GAB3: variants seen among roughly 807,000 people sequenced by gnomAD.
GAB3 encodes the protein GRB2-associated-binding protein 3.
A neutral mutation model predicts 40.4 loss-of-function variants in GAB3; 12 were observed. The observed-to-expected ratio is 0.30, with a 90% CI of 0.19 to 0.48. The LOEUF (loss-of-function observed/expected upper bound fraction) is 0.48. Among genes scored for constraint, GAB3 ranks in the 20% least tolerant of loss-of-function variants. The probability of loss-of-function intolerance (pLI) is 0.99; values close to 1 mark genes in which losing one functional copy is unlikely to be tolerated. For synonymous variants in GAB3, 154 were observed against 176.7 expected (o/e 0.87, Z 1.02); for missense variants, 381 against 461.9 (o/e 0.82, Z 1.61).
At chrX:154,682,079 G>C (rs1265662224) in intron 8 of GAB3, among the ~76,000 whole-genome samples, 2 of 111,707 alleles carry the variant, frequency 1.8e-5, no homozygotes, top group African/African-American at 3.3e-5. Context: ...TTTTTGTTAG[G>C]TTTATCGCTA....
chrX:154,723,438 G>A (rs1054245050), intron 1 of GAB3, among the ~76,000 whole-genome samples: 1 of 111,802 alleles, frequency 8.9e-6, no homozygotes, highest in Non-Finnish European at 1.9e-5. Flanking sequence ...GAGATAAGTA[G>A]AGGGGTCTGA....
intron 1 of GAB3, among the ~76,000 whole-genome samples, chrX:154,750,013 C>T (rs2071587635): frequency 8.9e-6 from 1 of 112,736 alleles, no homozygotes; most frequent in Non-Finnish European, 1.9e-5. Flanking sequence ...TTTGGATGAG[C>T]GCAGACATGC....
upstream of GAB3, among the ~76,000 whole-genome samples, chrX:154,751,291 G>T (rs1230322972): frequency 6.6e-5 from 6 of 91,529 alleles, no homozygotes; most frequent in Non-Finnish European, 8.4e-5. Flanking sequence ...GCCCGGGGGG[G>T]GGGTGTGGGG....
chrX:154,712,276 G>T lies in GAB3; in HGVS notation c.1022C>A (p.Pro341Gln), dbSNP rs781927204. The T allele has an allele frequency of 1.7e-6, 2 of 1,205,062 alleles. No homozygotes were observed. Among genetic ancestry groups the T allele is most frequent in the African/African-American group, 3.5e-5 (2 of 57,017 alleles). ...TAAACCAGAGAGGGAGATTCTTCTT[G>T]GAACCAGAGTGCATTCTGGCTTCTT... ...GSKKPECTLVPRRISLSGLDN... is the reference protein window; with the variant it reads ...GSKKPECTLVQRRISLSGLDN... Residue 341 changes from proline to glutamine, a missense_variant, in exon 4 of 10, where the codon CCA (proline) becomes CAA (glutamine). Transcript: ENST00000424127.
chrX:154,700,041 G>A lies in GAB3; in HGVS notation c.1088C>T (p.Ser363Phe). The A allele has an allele frequency of 8.3e-7, 1 of 1,208,085 alleles. No individual in the cohort carries two copies. The highest frequency in any genetic ancestry group is 1.8e-5 in the South Asian group (1 of 56,753). ...RTWKADVEGQ[S>F]LRHRDKRLSL... Reference sequence around the variant, plus strand: ...AAGCCGCTTGTCTCGGTGTCTTAAGGATTGGCCTTCTACATCAGCTGCAAG... The same window carrying A: ...AAGCCGCTTGTCTCGGTGTCTTAAGAATTGGCCTTCTACATCAGCTGCAAG... Residue 363 changes from serine to phenylalanine, a missense_variant, in exon 5 of 10, where the codon TCC becomes TTC. Coordinates refer to ENST00000424127, the MANE Select transcript of GAB3 (RefSeq NM_001081573.3).
Position 154,690,397 on chromosome X carries a change from C to A in GAB3, c.1530+5520G>T, listed in dbSNP as rs75851994. ...CTAAAACACCAAAAGCAATGGCAAC[C>A]AAAGCCAAAATTGACAAATCGGAAC... On this transcript the variant is annotated intron_variant, in intron 8 of 9. Coordinates refer to ENST00000424127, the MANE Select transcript of GAB3 (RefSeq NM_001081573.3). Among the ~76,000 whole-genome samples the A allele has an allele frequency of 2.6e-4, 29 of 112,038 alleles. No homozygotes were observed. The Admixed American group carries it at 2.6e-3, about 10-fold the overall frequency.
At chrX:154,726,146 T>C (rs1350989063) in intron 1 of GAB3, among the ~76,000 whole-genome samples, 1 of 110,901 alleles carries the variant, frequency 9.0e-6, no homozygotes, top group African/African-American at 3.3e-5. Context: ...ACAGAGATGA[T>C]AGAATAAGCA....
At chrX:154,681,234 C>T (rs1197451277) in intron 8 of GAB3, among the ~76,000 whole-genome samples, 3 of 112,058 alleles carry the variant, frequency 2.7e-5, no homozygotes, top group African/African-American at 9.7e-5. Flanking sequence ...ATTTCTATTG[C>T]TTCCCATCCT....
At chrX:154,691,182 AC>A (rs1250375302) in intron 8 of GAB3, among the ~76,000 whole-genome samples, 1 of 102,405 alleles carries the variant, frequency 9.8e-6, no homozygotes, top group Non-Finnish European at 2.0e-5. Context: ...AAAACCAAAC[AC>A]CGCATGTTCT....
chrX:154,684,627 G>T (rs1247071863), intron 8 of GAB3, among the ~76,000 whole-genome samples: 3 of 111,297 alleles, frequency 2.7e-5, no homozygotes, highest in Non-Finnish European at 5.7e-5. Context: ...CAGCTGTATT[G>T]ATCCTCTCTG....
chrX:154,730,931 A>G (rs2071282188), intron 1 of GAB3, among the ~76,000 whole-genome samples: 1 of 112,474 alleles, frequency 8.9e-6, no homozygotes, highest in South Asian at 3.7e-4. Context: ...TAGCTTGTCA[A>G]CAGAAGCAGA....
chrX:154,749,031 T>C (rs374843446), intron 1 of GAB3, among the ~76,000 whole-genome samples: 5 of 112,178 alleles, frequency 4.5e-5, no homozygotes, highest in Non-Finnish European at 9.4e-5. Flanking sequence ...ATGATCTTTC[T>C]TAGAGACAGT....
intron 1 of GAB3, among the ~76,000 whole-genome samples, chrX:154,739,934 T>A (rs1229417106): frequency 2.7e-5 from 3 of 112,111 alleles, no homozygotes; most frequent in Admixed American, 9.4e-5. Flanking sequence ...GAAGAGATGT[T>A]CAACCTCACT....
intron 1 of GAB3, among the ~76,000 whole-genome samples, chrX:154,735,718 C>T (rs1187046609): frequency 8.9e-6 from 1 of 112,253 alleles, no homozygotes; most frequent in African/African-American, 3.2e-5. Flanking sequence ...CCAGAGTGAT[C>T]CTGTTACAAT....
chrX:154,710,433 G>T (rs1187761184), intron 4 of GAB3, among the ~76,000 whole-genome samples: 20 of 111,744 alleles, frequency 1.8e-4, no homozygotes, highest in African/African-American at 6.5e-4. Context: ...GTGTGGCACT[G>T]GTGCAAGCTG....
chrX:154,724,118 G>A (rs2071176783), intron 1 of GAB3, among the ~76,000 whole-genome samples: 1 of 111,296 alleles, frequency 9.0e-6, no homozygotes, highest in Non-Finnish European at 1.9e-5. Flanking sequence ...AGACCGAGAC[G>A]GGTGGATCAC....
At position 154,693,706 on chromosome X, in the gene GAB3, C is replaced by T. The variant is rs782288233; in HGVS notation, c.1530+2211G>A. ...ATGTTCAAACTCATAGAACTGCACA[C>T]CAAGAGAAAGTCAATTTCACTGTAT... On this transcript the variant is annotated intron_variant, in intron 8 of 9. Coordinates refer to ENST00000424127, the MANE Select transcript of GAB3 (RefSeq NM_001081573.3). 2.7e-5 allele frequency among the ~76,000 whole-genome samples: 3 copies of T among 110,989 alleles called. No individual in the cohort carries two copies. In the South Asian group the frequency reaches 1.1e-3, roughly 42 times the overall value.
At chrX:154,735,379 T>G (rs1286942032) in intron 1 of GAB3, among the ~76,000 whole-genome samples, 1 of 111,839 alleles carries the variant, frequency 8.9e-6, no homozygotes. Context: ...CGGAGTGAAA[T>G]GAAAAGTCTA....
At chrX:154,700,944 T>G (rs1415730876) in intron 4 of GAB3, among the ~76,000 whole-genome samples, 1 of 111,429 alleles carries the variant, frequency 9.0e-6, no homozygotes, top group African/African-American at 3.3e-5. Context: ...GGAAAAGATG[T>G]GACAGAGACT....
Sources: allele counts gnomAD v4.1 joint callset (sites outside exome capture counted in the v4.1 genomes callset), GRCh38; gene constraint gnomAD v4.1.1; transcripts MANE v1.5; gene names NCBI Gene and HGNC (gene_info 2026-07-23, HGNC 2026-07-21).